Variants in EMC3 observed in about 807,000 individuals in gnomAD.
The protein encoded by EMC3 is 30 kDa protein.
In EMC3, 13 loss-of-function variants were observed where a neutral mutation model predicts 36.6. The observed-to-expected ratio is 0.35, with a 90% CI of 0.23 to 0.56. The LOEUF (loss-of-function observed/expected upper bound fraction) is 0.56, where lower values mean the gene tolerates loss of function less well. Ranked by LOEUF, EMC3 falls within the 20% of genes least tolerant of loss-of-function variation. The probability of loss-of-function intolerance (pLI) is 0.84; values close to 1 mark genes in which losing one functional copy is unlikely to be tolerated. For synonymous variants in EMC3, 120 were observed against 111.9 expected, an observed-to-expected ratio of 1.07 and a Z score of -0.46; for missense variants, 220 against 324.5, an observed-to-expected ratio of 0.68 and a Z score of 2.47.
At chr3:9,971,172 C>T (rs1292754989) in intron 5 of EMC3, among the ~76,000 whole-genome samples, 1 of 152,164 alleles carries the variant, frequency 6.6e-6, no homozygotes, top group East Asian at 1.9e-4. Flanking sequence ...ATCCGCCCAC[C>T]TCAGCCTCCC....
upstream of EMC3, among the ~76,000 whole-genome samples, chr3:9,991,117 C>T (rs549216953): frequency 1.2e-3 from 186 of 152,172 alleles, 3 homozygotes; most frequent in South Asian, 0.019. Context: ...TGTGAGCCAC[C>T]GCGCCCGGCC....
At chr3:9,964,654 G>C (rs1306219232) in intron 7 of EMC3, among the ~76,000 whole-genome samples, 3 of 152,204 alleles carry the variant, frequency 2.0e-5, no homozygotes, top group Non-Finnish European at 4.4e-5. Flanking sequence ...ACAATGCTTT[G>C]ACATAAATGG....
chr3:9,978,244 A>G (rs1222824551), intron 1 of EMC3: 1 of 150,574 alleles, frequency 6.6e-6, no homozygotes, highest in Admixed American at 6.9e-5. Flanking sequence ...CTGCAGTAGA[A>G]GGATCACCTG....
At chr3:10,005,558 G>A (rs966425050) in intron 1 of EMC3, among the ~76,000 whole-genome samples, 2 of 152,170 alleles carry the variant, frequency 1.3e-5, no homozygotes, top group African/African-American at 4.8e-5. Context: ...CTCACAGGAA[G>A]ATACCATGCC....
chr3:9,997,975 G>A (rs753103212), intron 1 of EMC3, among the ~76,000 whole-genome samples: 2 of 152,200 alleles, frequency 1.3e-5, no homozygotes, highest in Middle Eastern at 3.4e-3. Flanking sequence ...AACCACCACC[G>A]CTTTCCATAG....
chr3:9,988,952 A>T (rs9822297), upstream of EMC3, among the ~76,000 whole-genome samples: 3 of 151,448 alleles, frequency 2.0e-5, no homozygotes, highest in Non-Finnish European at 4.4e-5. Flanking sequence ...CACTCTGGCT[A>T]TAAAATAAGC....
intron 1 of EMC3, among the ~76,000 whole-genome samples, chr3:9,984,861 A>C (rs929288659): frequency 1.3e-5 from 2 of 152,248 alleles, no homozygotes; most frequent in Non-Finnish European, 2.9e-5. Context: ...GCTGTAACGC[A>C]CCTGGCACTC....
chr3:9,990,716 G>T (rs1271877778), upstream of EMC3, among the ~76,000 whole-genome samples: 8 of 151,396 alleles, frequency 5.3e-5, no homozygotes, highest in Admixed American at 4.6e-4. Flanking sequence ...CACCATATTG[G>T]CCAGGCTAGT....
At chr3:9,990,003 C>T (rs549669160), upstream of EMC3, among the ~76,000 whole-genome samples, 2 of 150,232 alleles carry the variant, frequency 1.3e-5, no homozygotes, top group South Asian at 4.2e-4. Context: ...CTCAGATTGC[C>T]CTGAATACAC....
chr3:9,980,099 T>C (rs1218454707), intron 1 of EMC3, among the ~76,000 whole-genome samples: 1 of 151,340 alleles, frequency 6.6e-6, no homozygotes, highest in Non-Finnish European at 1.5e-5. Context: ...GTGCAACCTC[T>C]GCCTCACGAG....
intron 5 of EMC3, among the ~76,000 whole-genome samples, chr3:9,971,530 T>C (rs1478317519): frequency 1.3e-5 from 2 of 152,182 alleles, no homozygotes; most frequent in Admixed American, 6.5e-5. Context: ...CTGAATACAA[T>C]GTTGCTGATC....
chr3:9,965,950 T>C (rs1409893329), intron 7 of EMC3, among the ~76,000 whole-genome samples: 2 of 152,228 alleles, frequency 1.3e-5, no homozygotes, highest in African/African-American at 4.8e-5. Context: ...ACTTTTTGAT[T>C]ATTATGAATC....
chr3:10,007,530 G>A (rs773033735), intron 1 of EMC3: 28 of 1,367,514 alleles, frequency 2.0e-5, no homozygotes, highest in Non-Finnish European at 2.7e-5. Flanking sequence ...GGCATGAAGC[G>A]CTCCCCCTCA....
upstream of EMC3, chr3:9,987,266 T>C (rs2124921660): frequency 2.0e-6 from 2 of 978,856 alleles, no homozygotes; most frequent in East Asian, 2.3e-4. Context: ...GGCTTCTCGG[T>C]GAGTAAATGG....
upstream of EMC3, among the ~76,000 whole-genome samples, chr3:9,990,551 C>G (rs1208889531): frequency 2.0e-5 from 3 of 151,842 alleles, no homozygotes; most frequent in Non-Finnish European, 2.9e-5. Context: ...GCTCTTTTGC[C>G]TAGGCTATAG....
At chr3:9,987,207 C>A, upstream of EMC3, 3 of 876,936 alleles carry the variant, frequency 3.4e-6, no homozygotes, top group East Asian at 1.2e-4. Context: ...GAGGAAGACT[C>A]CGTCTCAAAA....
At chr3:10,002,820 G>A (rs955735707) in intron 1 of EMC3, 13 of 438,322 alleles carry the variant, frequency 3.0e-5, no homozygotes, top group Non-Finnish European at 5.0e-5. Flanking sequence ...CCCCCTCCAC[G>A]CAGAGCACCA....
intron 5 of EMC3, 50 bp downstream of exon 5, chr3:9,973,578 G>T: frequency 1.9e-6 from 3 of 1,540,018 alleles, no homozygotes; most frequent in Non-Finnish European, 9.0e-7. Flanking sequence ...TCCCGCCTTG[G>T]CTTCCCAAAG....
intron 1 of EMC3, among the ~76,000 whole-genome samples, chr3:9,984,515 G>A (rs888270235): frequency 6.6e-6 from 1 of 151,520 alleles, no homozygotes; most frequent in African/African-American, 2.4e-5. Context: ...TCAGCCTCCC[G>A]AGTAGCTGGG....
Sources: gnomAD v4.1 joint callset for allele counts (sites outside exome capture counted in the v4.1 genomes callset) on GRCh38, gnomAD v4.1.1 for gene constraint, MANE v1.5 for transcripts, NCBI Gene and HGNC (gene_info 2026-07-23, HGNC 2026-07-21) for gene names.